The following PLCXD3 variants were observed in gnomAD, a reference collection of about 807,000 sequenced individuals.
The protein encoded by PLCXD3 is PI-PLC X domain-containing protein 3.
PLCXD3 carries 19 observed loss-of-function variants against 25.5 expected under a neutral mutation model. The observed-to-expected ratio is 0.75, with a 90% CI of 0.52 to 1.09. The LOEUF (loss-of-function observed/expected upper bound fraction) is 1.09. Among genes scored for constraint, PLCXD3 ranks in the 50% least tolerant of loss-of-function variants. The pLI is 0.00. For missense variants in PLCXD3, 411 were observed against 388.1 expected (o/e 1.06, Z -0.50); for synonymous variants, 174 against 137.6 (o/e 1.26, Z -1.85).
At chr5:41,320,730 T>G (rs1743443662) in intron 2 of PLCXD3, among the ~76,000 whole-genome samples, 1 of 152,198 alleles carries the variant, frequency 6.6e-6, no homozygotes, top group African/African-American at 2.4e-5. Context: ...TCTCCTGACC[T>G]CGTGATCCGT....
intron 1 of PLCXD3, among the ~76,000 whole-genome samples, chr5:41,463,805 A>G (rs1672643382): frequency 6.6e-6 from 1 of 151,852 alleles, no homozygotes; most frequent in African/African-American, 2.4e-5. Flanking sequence ...TTCACTACGA[A>G]TGGCCTTTAC....
At chr5:41,428,393 T>G (rs924143799) in intron 1 of PLCXD3, among the ~76,000 whole-genome samples, 48 of 145,898 alleles carry the variant, frequency 3.3e-4, no homozygotes, top group African/African-American at 1.1e-3. Context: ...TTTTTGTTTT[T>G]GTTTTTTTTA....
At chr5:41,428,371 T>G (rs922151817) in intron 1 of PLCXD3, among the ~76,000 whole-genome samples, 2 of 138,912 alleles carry the variant, frequency 1.4e-5, no homozygotes, top group Non-Finnish European at 3.1e-5. Flanking sequence ...TAAGTTAAAA[T>G]GAGTTTTTTT....
At position 41,312,563 on chromosome 5, in the gene PLCXD3, C is replaced by T. The variant is rs1444341582; in HGVS notation, c.*1054G>A. 1.3e-5 allele frequency: 2 copies of T among 152,158 alleles called. No individual in the cohort carries two copies. The highest frequency in any genetic ancestry group is 4.8e-5 in the African/African-American group (2 of 41,364). The allele number at this position is 152,158 out of a possible 1,614,324, so 9.4% of individuals were successfully genotyped here. On this transcript the variant is annotated 3_prime_UTR_variant, in exon 3 of 3. Coordinates refer to ENST00000377801, the MANE Select transcript of PLCXD3 (RefSeq NM_001005473.3). ...CCTTCCTCTCTTCCTCCCTCCCTCC[C>T]TCTCTTCCTCCCTCCCTCCCTCTCT... is the stretch of plus-strand genomic sequence containing the variant.
chr5:41,492,670 C>G (rs1163541383), intron 1 of PLCXD3, among the ~76,000 whole-genome samples: 2 of 152,162 alleles, frequency 1.3e-5, no homozygotes, highest in African/African-American at 4.8e-5. Flanking sequence ...TCCCTTCTCG[C>G]TTCATTTCAT....
chr5:41,342,923 C>A (rs1047527736), intron 2 of PLCXD3, among the ~76,000 whole-genome samples: 3 of 152,028 alleles, frequency 2.0e-5, no homozygotes, highest in African/African-American at 7.2e-5. Context: ...AGGATGATTT[C>A]TAGACAAAAG....
At chr5:41,456,124 A>C (rs1747747943) in intron 1 of PLCXD3, among the ~76,000 whole-genome samples, 1 of 151,932 alleles carries the variant, frequency 6.6e-6, no homozygotes, top group African/African-American at 2.4e-5. Context: ...AGAGCGGTTC[A>C]ATTTTAAATG....
intron 1 of PLCXD3, among the ~76,000 whole-genome samples, chr5:41,383,951 C>T (rs1745561951): frequency 1.3e-5 from 2 of 151,886 alleles, no homozygotes; most frequent in Non-Finnish European, 2.9e-5. Flanking sequence ...TCTCTCTATC[C>T]AGCTTTAACA....
chr5:41,356,153 C>G (rs1361407273), intron 2 of PLCXD3, among the ~76,000 whole-genome samples: 1 of 152,106 alleles, frequency 6.6e-6, no homozygotes, highest in African/African-American at 2.4e-5. Context: ...GTACTCCCAG[C>G]TACTTGGGAG....
intron 1 of PLCXD3, among the ~76,000 whole-genome samples, chr5:41,430,273 A>G (rs1747065420): frequency 6.6e-6 from 1 of 152,224 alleles, no homozygotes; most frequent in Non-Finnish European, 1.5e-5. Flanking sequence ...AAATACATAC[A>G]TTTTATTAAT....
At chr5:41,423,317 C>T (rs1377413142) in intron 1 of PLCXD3, among the ~76,000 whole-genome samples, 1 of 151,808 alleles carries the variant, frequency 6.6e-6, no homozygotes, top group Non-Finnish European at 1.5e-5. Flanking sequence ...TTTTTTTATG[C>T]TTAATTATTA....
chr5:41,478,239 T>C (rs1378456707), intron 1 of PLCXD3, among the ~76,000 whole-genome samples: 4 of 152,212 alleles, frequency 2.6e-5, no homozygotes, highest in African/African-American at 9.6e-5. Flanking sequence ...AATTCCTCAA[T>C]TCTCAGAGGA....
At chr5:41,393,500 CT>C (rs1416992440) in intron 1 of PLCXD3, among the ~76,000 whole-genome samples, 13 of 152,176 alleles carry the variant, frequency 8.5e-5, no homozygotes. Flanking sequence ...GAAATGGAGA[CT>C]TTCCCAAACA....
chr5:41,433,427 T>C (rs1030752795), intron 1 of PLCXD3, among the ~76,000 whole-genome samples: 5 of 152,140 alleles, frequency 3.3e-5, no homozygotes, highest in Admixed American at 3.3e-4. Flanking sequence ...TGCTGAAGAA[T>C]AAAAGCCATG....
chr5:41,380,038 T>A (rs1294876425), intron 2 of PLCXD3, among the ~76,000 whole-genome samples: 2 of 152,036 alleles, frequency 1.3e-5, no homozygotes, highest in Non-Finnish European at 2.9e-5. Flanking sequence ...GAGGAACATT[T>A]CCACTCCAAT....
chr5:41,502,510 C>G (rs1243428622), intron 1 of PLCXD3, among the ~76,000 whole-genome samples: 1 of 151,914 alleles, frequency 6.6e-6, no homozygotes, highest in Non-Finnish European at 1.5e-5. Flanking sequence ...GTGATGTAAT[C>G]AGTACAGATG....
At chr5:41,480,091 G>T (rs934828883) in intron 1 of PLCXD3, among the ~76,000 whole-genome samples, 3 of 152,122 alleles carry the variant, frequency 2.0e-5, no homozygotes, top group African/African-American at 4.8e-5. Context: ...AGAGGGATAC[G>T]AGCTGAAGCT....
At chr5:41,445,983 C>T (rs550417261) in intron 1 of PLCXD3, among the ~76,000 whole-genome samples, 2 of 151,500 alleles carry the variant, frequency 1.3e-5, no homozygotes, top group Non-Finnish European at 2.9e-5. Flanking sequence ...GTCAGGGGAT[C>T]GAGACTATCC....
chr5:41,395,438 C>A (rs1046988238), intron 1 of PLCXD3, among the ~76,000 whole-genome samples: 2 of 151,502 alleles, frequency 1.3e-5, no homozygotes, highest in Admixed American at 6.6e-5. Flanking sequence ...AAACAAAACC[C>A]ATAATTAGTA....
Sources: gnomAD v4.1 joint callset for allele counts (sites outside exome capture counted in the v4.1 genomes callset) on GRCh38, gnomAD v4.1.1 for gene constraint, MANE v1.5 for transcripts, NCBI Gene and HGNC (gene_info 2026-07-23, HGNC 2026-07-21) for gene names.